TMEM37: variants seen among roughly 807,000 people sequenced by gnomAD.
TMEM37 encodes transmembrane protein 37.
In TMEM37, 12 loss-of-function variants were observed where a neutral mutation model predicts 11.0. The observed-to-expected ratio is 1.09, with a 90% CI of 0.70 to 1.76. The LOEUF is 1.76. Ranked by LOEUF, TMEM37 falls within the 40% of genes most tolerant of loss-of-function variation. The probability of loss-of-function intolerance (pLI) is 0.00; values close to 1 mark genes in which losing one functional copy is unlikely to be tolerated. For missense variants in TMEM37, 203 were observed against 251.2 expected (o/e 0.81, Z 1.30); for synonymous variants, 127 against 110.5 (o/e 1.15, Z -0.94).
In TMEM37 at chr2:119,431,969, C is replaced by T. The variant is rs1393638204; in HGVS notation, c.21+45C>T. ...GCGCTGACCCGGGGTGCTGCCCCGC[C>T]GTGGGAGGTTGGGGGTGGGAGGACG... On this transcript the variant is annotated intron_variant, in intron 1 of 1. Transcript: ENST00000306406. 3.6e-6 allele frequency: 4 copies of T among 1,100,472 alleles called. No individual in the cohort carries two copies. In the African/African-American group the frequency reaches 4.9e-5, roughly 13 times the overall value. 68.2% of individuals were successfully genotyped at this position (1,100,472 alleles called of 1,614,324 possible).
Position 119,437,742 on chromosome 2 carries a change from C to G in TMEM37, c.*302C>G. 2.5e-6 allele frequency: 1 copy of G among 405,142 alleles called. No homozygotes were observed. Among genetic ancestry groups the G allele is most frequent in the Non-Finnish European group, 4.4e-6 (1 of 225,108 alleles). The allele number at this position is 405,142 out of a possible 1,614,324, so 25.1% of individuals were successfully genotyped here. On this transcript the variant is annotated 3_prime_UTR_variant, in exon 2 of 2. Transcript: ENST00000306406. The stretch of plus-strand genomic sequence containing the variant: ...AAAACTCCTTCTTGAATTTTCTTCC[C>G]TGGACTGGAATACAGTTGGAAGCAC...
At chr2:119,435,813 G>A (rs1271624588) in intron 1 of TMEM37, among the ~76,000 whole-genome samples, 1 of 152,222 alleles carries the variant, frequency 6.6e-6, no homozygotes, top group East Asian at 1.9e-4. Flanking sequence ...GGTTGAGTGG[G>A]CAGGAAAGCA....
Position 119,437,456 on chromosome 2 carries a change from G to A in TMEM37, c.*16G>A, listed in dbSNP as rs910316382. The A allele has an allele frequency of 1.0e-5, 16 of 1,605,940 alleles. No individual in the cohort carries two copies. Among genetic ancestry groups the A allele is most frequent in the Non-Finnish European group, 1.3e-5 (15 of 1,175,556 alleles). On this transcript the variant is annotated 3_prime_UTR_variant, in exon 2 of 2. Coordinates refer to ENST00000306406, the MANE Select transcript of TMEM37 (RefSeq NM_183240.3). ...CTGGGAATGACCGTGGAAATTTTAGGCCCCCTCCAGGGACATCAGATTCCA... is the reference window on the plus strand; with the variant it reads ...CTGGGAATGACCGTGGAAATTTTAGACCCCCTCCAGGGACATCAGATTCCA...
chr2:119,432,095 G>C, intron 1 of TMEM37, 171 bp downstream of exon 1: 1 of 417,420 alleles, frequency 2.4e-6, no homozygotes, highest in Non-Finnish European at 4.0e-6. Flanking sequence ...GAGGAGGCTG[G>C]GCGGGGAGCA....
chr2:119,430,631 C>T (rs1682375130), upstream of TMEM37, among the ~76,000 whole-genome samples: 1 of 152,218 alleles, frequency 6.6e-6, no homozygotes, highest in South Asian at 2.1e-4. Flanking sequence ...CAGATGAGTG[C>T]AGTTGCTTTG....
In TMEM37 at chr2:119,437,396, A is replaced by G; in HGVS notation, c.529A>G (p.Ile177Val). Residue 177 changes from isoleucine (I) to valine (V), a missense_variant, in exon 2 of 2, where the codon ATC becomes GTC. Transcript: ENST00000306406. The stretch of plus-strand genomic sequence containing the variant: ...CTCCTTCCTCCTCTTCCTGAACGCC[A>G]TCAGCGGCCTTCACATCAACAGCAT... Reference protein sequence around the residue: ...TASFLLFLNAISGLHINSITH... With the variant: ...TASFLLFLNAVSGLHINSITH... 1 of 1,614,164 alleles carries G rather than the reference A, an allele frequency of 6.2e-7. No homozygotes were observed. Among genetic ancestry groups the G allele is most frequent in the Non-Finnish European group, 8.5e-7 (1 of 1,180,014 alleles).
In TMEM37 at chr2:119,433,457, G is replaced by C. The variant is rs573549247; in HGVS notation, c.21+1533G>C. Among the ~76,000 whole-genome samples, 5 of 152,320 alleles carry C rather than the reference G, an allele frequency of 3.3e-5. 1 individual carries two copies. The highest frequency in any genetic ancestry group is 4.1e-4 in the South Asian group (2 of 4,820). On this transcript the variant is annotated intron_variant, in intron 1 of 1. Coordinates refer to ENST00000306406, the MANE Select transcript of TMEM37 (RefSeq NM_183240.3). ...TGGGTAGGGGCAGAGTGGGTGATGA[G>C]GGGGAGCAAATATGGGAGACATGTT...
upstream of TMEM37, chr2:119,431,807 G>C (rs2104734414): frequency 3.0e-6 from 3 of 993,218 alleles, no homozygotes; most frequent in Non-Finnish European, 3.9e-6. Context: ...GCCTCCAGCA[G>C]CCGCCCCGCC....
Position 119,437,246 on chromosome 2 carries a change from G to GGTTC in TMEM37, c.380_383dup (p.Ile129PhefsTer148). 1 of 1,614,248 alleles carries GGTTC rather than the reference G, an allele frequency of 6.2e-7. No individual in the cohort carries two copies. Among genetic ancestry groups the GGTTC allele is most frequent in the Non-Finnish European group, 8.5e-7 (1 of 1,180,050 alleles). On this transcript the variant is annotated frameshift_variant, in exon 2 of 2. Coordinates refer to ENST00000306406, the MANE Select transcript of TMEM37 (RefSeq NM_183240.3). LOFTEE classifies it high-confidence loss of function. ...ACACTCACAGTGCAAGTGGGTCATG[G>GGTTC]GTTCCATCCTCCTCCTGGTGTCTTT... is the stretch of plus-strand genomic sequence containing the variant.
At chr2:119,435,625 T>C (rs562708986) in intron 1 of TMEM37, among the ~76,000 whole-genome samples, 2 of 152,276 alleles carry the variant, frequency 1.3e-5, no homozygotes, top group East Asian at 1.9e-4. Flanking sequence ...TGCCCAGGTA[T>C]TGGGGACACA....
chr2:119,436,003 G>T lies in TMEM37; in HGVS notation c.22-886G>T, dbSNP rs753376941. Among the ~76,000 whole-genome samples the T allele has an allele frequency of 2.6e-5, 4 of 152,176 alleles. 1 individual carries two copies. The highest frequency in any genetic ancestry group is 9.7e-5 in the African/African-American group (4 of 41,432). ...GGGAGCTGAGGTTGGGTGGGGAGGC[G>T]GAGCGGATTGTGAGAGGCTTGTGGG... is the stretch of plus-strand genomic sequence containing the variant. On this transcript the variant is annotated intron_variant, in intron 1 of 1. Transcript: ENST00000306406.
chr2:119,431,337 G>A (rs974996471), upstream of TMEM37, among the ~76,000 whole-genome samples: 3 of 152,164 alleles, frequency 2.0e-5, no homozygotes, highest in African/African-American at 7.2e-5. Context: ...GCGAGGGCCC[G>A]GCAAGAGCCC....
At chr2:119,430,052 A>G, upstream of TMEM37, 1 of 1,308,942 alleles carries the variant, frequency 7.6e-7, no homozygotes. Context: ...CAGTGAAAGG[A>G]TACCCCCGCA....
chr2:119,437,412 T>G lies in TMEM37; in HGVS notation c.545T>G (p.Ile182Ser). Residue 182 changes from isoleucine (I) to serine (S), a missense_variant, in exon 2 of 2, where the codon ATC becomes AGC. Ile to Ser is a moderately radical substitution (Grantham distance 142, BLOSUM62 -2). Transcript: ENST00000306406. ...LFLNAISGLH[I>S]NSITHPWE ...CTGAACGCCATCAGCGGCCTTCACA[T>G]CAACAGCATCACCCATCCCTGGGAA... is the stretch of plus-strand genomic sequence containing the variant. 1 of 1,614,030 alleles carries G rather than the reference T, an allele frequency of 6.2e-7. No individual in the cohort carries two copies. The highest frequency in any genetic ancestry group is 8.5e-7 in the Non-Finnish European group (1 of 1,179,912).
intron 1 of TMEM37, chr2:119,432,224 C>T (rs1362104101): frequency 6.0e-6 from 2 of 332,240 alleles, no homozygotes; most frequent in Non-Finnish European, 1.1e-5. Context: ...GATTTTTCTT[C>T]TCTTTGGTGT....
chr2:119,432,147 C>T, intron 1 of TMEM37: 1 of 371,052 alleles, frequency 2.7e-6, no homozygotes, highest in Non-Finnish European at 4.8e-6. Context: ...GCTCCCGAGG[C>T]GCGGACTCCG....
chr2:119,435,146 G>T (rs1302750493), intron 1 of TMEM37, among the ~76,000 whole-genome samples: 2 of 152,216 alleles, frequency 1.3e-5, no homozygotes, highest in Non-Finnish European at 2.9e-5. Context: ...GAATAAAATA[G>T]GATCCTACTT....
At chr2:119,435,933 A>G (rs932802154) in intron 1 of TMEM37, among the ~76,000 whole-genome samples, 1 of 152,222 alleles carries the variant, frequency 6.6e-6, no homozygotes, top group African/African-American at 2.4e-5. Flanking sequence ...AGGGCCAGTC[A>G]TCTGAGGAAA....
chr2:119,434,030 G>C (rs577681115), intron 1 of TMEM37, among the ~76,000 whole-genome samples: 2 of 152,198 alleles, frequency 1.3e-5, no homozygotes, highest in East Asian at 3.9e-4. Flanking sequence ...GCCCTACTTT[G>C]GGGCAGGAGC....
Sources: gnomAD v4.1 joint callset for allele counts (sites outside exome capture counted in the v4.1 genomes callset) on GRCh38, gnomAD v4.1.1 for gene constraint, MANE v1.5 for transcripts, NCBI Gene and HGNC (gene_info 2026-07-23, HGNC 2026-07-21) for gene names.